Variants in C11orf65 observed in about 807,000 individuals in gnomAD.
C11orf65 encodes the protein protein MFI.
C11orf65 carries 38 observed loss-of-function variants against 35.3 expected under a neutral mutation model. The observed-to-expected ratio is 1.08, with a 90% CI of 0.83 to 1.41. The LOEUF is 1.41. Ranked by LOEUF, C11orf65 falls within the 40% of genes most tolerant of loss-of-function variation. The pLI is 0.00. For synonymous variants in C11orf65, 105 were observed against 114.4 expected (o/e 0.92, Z 0.53); for missense variants, 370 against 367.1 (o/e 1.01, Z -0.06).
intron 6 of C11orf65, 24 bp from the exon 7 acceptor site, chr11:108,393,402 A>T (rs779000184): frequency 3.1e-6 from 5 of 1,597,564 alleles, no homozygotes; most frequent in Non-Finnish European, 4.3e-6. Flanking sequence ...AGGGAAAGAG[A>T]AGTAAATCTT....
intron 3 of C11orf65, among the ~76,000 whole-genome samples, chr11:108,407,485 A>C (rs141915552): frequency 7.3e-6 from 1 of 137,128 alleles, no homozygotes; most frequent in African/African-American, 2.7e-5. Context: ...CTAATTTTGT[A>C]TTTTTTTTTT....
chr11:108,435,997 C>A (rs1359329799), intron 2 of C11orf65, among the ~76,000 whole-genome samples: 2 of 151,494 alleles, frequency 1.3e-5, no homozygotes, highest in African/African-American at 2.4e-5. Context: ...TTGCAAGGGT[C>A]CGTATAAAGG....
At chr11:108,348,186 TTAATA>T (rs1336378998) in intron 2 of C11orf65, among the ~76,000 whole-genome samples, 2 of 151,888 alleles carry the variant, frequency 1.3e-5, no homozygotes, top group Admixed American at 1.3e-4. Flanking sequence ...AATAGACAGT[TTAATA>T]TATAAGAAAG....
chr11:108,309,879 A>G (rs2083996989), intron 6 of C11orf65, among the ~76,000 whole-genome samples: 1 of 152,174 alleles, frequency 6.6e-6, no homozygotes, highest in Non-Finnish European at 1.5e-5. Context: ...GGTAGAGAGC[A>G]GATATGAACC....
chr11:108,380,735 A>G (rs1414440366), downstream of C11orf65, among the ~76,000 whole-genome samples: 1 of 152,210 alleles, frequency 6.6e-6, no homozygotes, highest in Non-Finnish European at 1.5e-5. Flanking sequence ...TGAAAAGACC[A>G]ATCAGTTCTT....
chr11:108,348,454 T>C (rs1382659417), intron 2 of C11orf65, among the ~76,000 whole-genome samples: 1 of 151,274 alleles, frequency 6.6e-6, no homozygotes, highest in African/African-American at 2.4e-5. Context: ...TATATATAGC[T>C]AAGAAATATA....
rs886047618 is a variant in C11orf65, at chr11:108,366,047, AAC to A, written c.226+27159_226+27160del. 3.7e-4 allele frequency: 65 copies of A among 175,982 alleles called. No homozygotes were observed. The East Asian group carries it at 5.6e-3, about 15-fold the overall frequency. 10.9% of individuals were successfully genotyped at this position (175,982 alleles called of 1,614,324 possible). A position where few individuals can be genotyped will look rare whatever the true frequency, so the allele number is the denominator to read the frequency against. ...TCCATCTCAAAAAAAAAAAAAAAAA[AAC>A]AGAAACGTATTTGGATTTTTCCTAG... On this transcript the variant is annotated intron_variant, in intron 2 of 3. Transcript: ENST00000524755.
intron 7 of C11orf65, among the ~76,000 whole-genome samples, chr11:108,390,007 T>A (rs898791147): frequency 6.8e-6 from 1 of 147,904 alleles, no homozygotes; most frequent in Non-Finnish European, 1.5e-5. Context: ...TTTTTTTTTA[T>A]TTATTTTATT....
chr11:108,383,130 C>T lies in C11orf65; in HGVS notation c.833G>A (p.Gly278Glu), dbSNP rs190046094. 2 of 1,610,106 alleles carry T rather than the reference C, an allele frequency of 1.2e-6. No homozygotes were observed. Among genetic ancestry groups the T allele is most frequent in the African/African-American group, 2.7e-5 (2 of 74,814 alleles). Residue 278 changes from glycine (G) to glutamate (E), a missense_variant, in exon 9 of 9, where the codon GGA becomes GAA. Coordinates refer to ENST00000393084, the MANE Select transcript of C11orf65 (RefSeq NM_152587.5). ...QAQKNIYNYG[G>E]DISKMQMGIP... is the part of the protein sequence containing the mutation. Reference sequence around the variant, plus strand: ...TCCCATTTGCATCTTTGATATGTCTCCTCCATAGTTATATATGTTTTTCTG... The same window carrying T: ...TCCCATTTGCATCTTTGATATGTCTTCTCCATAGTTATATATGTTTTTCTG...
chr11:108,398,384 G>A (rs2092367674), intron 6 of C11orf65, among the ~76,000 whole-genome samples: 2 of 152,188 alleles, frequency 1.3e-5, no homozygotes, highest in South Asian at 4.1e-4. Flanking sequence ...TGGCTTGGAT[G>A]ACTGGCTAAA....
Position 108,335,895 on chromosome 11 carries a change from G to A in C11orf65, c.227-603C>T, listed in dbSNP as rs2086792007. 6.2e-7 allele frequency: 1 copy of A among 1,614,038 alleles called. No individual in the cohort carries two copies. Among genetic ancestry groups the A allele is most frequent in the Non-Finnish European group, 8.5e-7 (1 of 1,179,970 alleles). On this transcript the variant is annotated intron_variant, in intron 2 of 3. Coordinates refer to the C11orf65 transcript ENST00000524755. The stretch of plus-strand genomic sequence containing the variant: ...CTGTCATGCAACAGGTCTTCCAGAT[G>A]TGTAATACATTACTGCAGAGAAACA...
At chr11:108,420,568 A>G (rs1461122701) in intron 3 of C11orf65, among the ~76,000 whole-genome samples, 1 of 152,202 alleles carries the variant, frequency 6.6e-6, no homozygotes, top group African/African-American at 2.4e-5. Context: ...TAGAAACTGA[A>G]GATCCTCACA....
intron 2 of C11orf65, among the ~76,000 whole-genome samples, chr11:108,444,509 C>T (rs1192195993): frequency 6.6e-6 from 1 of 152,044 alleles, no homozygotes; most frequent in Non-Finnish European, 1.5e-5. Context: ...GGCAGAGACA[C>T]AACAAAAAAA....
chr11:108,354,300 A>T (rs1002713284), intron 2 of C11orf65, among the ~76,000 whole-genome samples: 3 of 152,114 alleles, frequency 2.0e-5, no homozygotes, highest in Admixed American at 6.6e-5. Context: ...TTTACTTTTA[A>T]CACCTCTATC....
At chr11:108,437,279 C>A (rs2093075223) in intron 2 of C11orf65, among the ~76,000 whole-genome samples, 1 of 150,610 alleles carries the variant, frequency 6.6e-6, no homozygotes, top group African/African-American at 2.4e-5. Flanking sequence ...AGAGCAAGAA[C>A]TTGCCTCTCA....
intron 6 of C11orf65, chr11:108,319,887 C>G: frequency 9.1e-7 from 1 of 1,104,354 alleles, no homozygotes; most frequent in Non-Finnish European, 1.4e-6. Flanking sequence ...TTTGGTGAAG[C>G]TATTTATACA....
chr11:108,374,993 G>A (rs1235722797), intron 2 of C11orf65, among the ~76,000 whole-genome samples: 1 of 152,190 alleles, frequency 6.6e-6, no homozygotes, highest in East Asian at 1.9e-4. Flanking sequence ...TATGTGAAAA[G>A]ACCAAATCTA....
At chr11:108,444,587 G>A (rs142893518) in intron 2 of C11orf65, among the ~76,000 whole-genome samples, 27 of 152,172 alleles carry the variant, frequency 1.8e-4, no homozygotes, top group African/African-American at 5.3e-4. Flanking sequence ...CTGGCAAACC[G>A]CATCCAGCAG....
chr11:108,347,886 T>G (rs1274760006), intron 2 of C11orf65, among the ~76,000 whole-genome samples: 3 of 152,108 alleles, frequency 2.0e-5, no homozygotes, highest in Non-Finnish European at 4.4e-5. Context: ...TCAGGAGCAC[T>G]TTGGGGAGTG....
Sources: gnomAD v4.1 joint callset for allele counts (sites outside exome capture counted in the v4.1 genomes callset) on GRCh38, gnomAD v4.1.1 for gene constraint, MANE v1.5 for transcripts, NCBI Gene and HGNC (gene_info 2026-07-23, HGNC 2026-07-21) for gene names.